Variants in GPHN observed in about 807,000 individuals in gnomAD.
The protein encoded by GPHN is gephyrin.
In GPHN, 17 loss-of-function variants were observed where a neutral mutation model predicts 95.5. The observed-to-expected ratio is 0.18, with a 90% CI of 0.12 to 0.27. The LOEUF is 0.27. Ranked by LOEUF, GPHN falls within the 10% of genes least tolerant of loss-of-function variation. The pLI is 1.00. For synonymous variants in GPHN, 320 were observed against 322.5 expected, an observed-to-expected ratio of 0.99 and a Z score of 0.08; for missense variants, 660 against 978.1, an observed-to-expected ratio of 0.67 and a Z score of 4.34.
At chr14:67,666,278 G>A in the GPHN span, among the ~76,000 whole-genome samples, 14 of 152,124 alleles carry the variant, frequency 9.2e-5, no homozygotes, top group Admixed American at 7.9e-4. Context: ...GCATTCTCAA[G>A]AGGCAAATTC....
the GPHN span, among the ~76,000 whole-genome samples, chr14:67,506,721 C>T: frequency 6.6e-6 from 1 of 152,328 alleles, no homozygotes; most frequent in East Asian, 1.9e-4. Context: ...AGTGGTGGCT[C>T]ATGCCTGTAA....
chr14:67,005,751 A>T (rs2153613277), intron 9 of GPHN, among the ~76,000 whole-genome samples: 1 of 152,110 alleles, frequency 6.6e-6, no homozygotes, highest in Non-Finnish European at 1.5e-5. Flanking sequence ...TCTACCTTTT[A>T]AAGTGAATTT....
At chr14:67,489,822 C>CT in the GPHN span, among the ~76,000 whole-genome samples, 1 of 152,170 alleles carries the variant, frequency 6.6e-6, no homozygotes, top group African/African-American at 2.4e-5. Flanking sequence ...AACCCCATCT[C>CT]TACTAAAAGC....
intron 11 of GPHN, among the ~76,000 whole-genome samples, chr14:67,062,598 A>C (rs2075867941): frequency 1.2e-5 from 1 of 84,948 alleles, no homozygotes; most frequent in Non-Finnish European, 2.3e-5. Context: ...AGGGAACTCT[A>C]TGAAGGAATT....
At chr14:66,509,464 C>CG (rs2057948135) in intron 1 of GPHN, 2 of 152,254 alleles carry the variant, frequency 1.3e-5, no homozygotes, top group Non-Finnish European at 2.9e-5. Context: ...GTGTGTTCTG[C>CG]ATGTCTGATT....
the GPHN span, among the ~76,000 whole-genome samples, chr14:67,528,490 T>C: frequency 6.6e-6 from 1 of 152,220 alleles, no homozygotes; most frequent in Non-Finnish European, 1.5e-5. Context: ...GAGCAGCCAT[T>C]GTTCTCATCT....
intron 1 of GPHN, among the ~76,000 whole-genome samples, chr14:66,541,820 C>T (rs1329776323): frequency 1.3e-5 from 2 of 152,196 alleles, no homozygotes; most frequent in African/African-American, 4.8e-5. Flanking sequence ...CAGCTTGGTG[C>T]TGTCAGTACC....
chr14:67,222,110 C>A, the GPHN span: 2 of 309,582 alleles, frequency 6.5e-6, no homozygotes, highest in Non-Finnish European at 1.2e-5. Context: ...TAAACCACGC[C>A]AAGCCTAGTT....
the GPHN span, chr14:67,574,118 G>A: frequency 1.3e-6 from 1 of 798,240 alleles, no homozygotes; most frequent in Non-Finnish European, 2.0e-6. The surrounding 1 kb of genome is among the most constrained non-coding windows in gnomAD (Gnocchi z 4.2). Context: ...AAGAAAGGAG[G>A]GAGCACTAGG....
chr14:66,664,976 A>T (rs1274557764), intron 1 of GPHN, among the ~76,000 whole-genome samples: 2 of 148,326 alleles, frequency 1.3e-5, no homozygotes, highest in Non-Finnish European at 3.0e-5. Context: ...GCAGCAATAA[A>T]TAGCCTACCA....
intron 2 of GPHN, among the ~76,000 whole-genome samples, chr14:66,715,930 T>C (rs917078633): frequency 2.0e-5 from 3 of 152,132 alleles, no homozygotes; most frequent in African/African-American, 4.8e-5. Flanking sequence ...GAAAGTTCCA[T>C]GTGCTGTTGA....
At chr14:67,391,073 G>T in the GPHN span, among the ~76,000 whole-genome samples, 1 of 152,072 alleles carries the variant, frequency 6.6e-6, no homozygotes, top group Non-Finnish European at 1.5e-5. Flanking sequence ...GCTGGGCTGG[G>T]AGCACACAGG....
At chr14:67,262,776 A>G in the GPHN span, among the ~76,000 whole-genome samples, 4 of 152,078 alleles carry the variant, frequency 2.6e-5, no homozygotes, top group Admixed American at 1.3e-4. Context: ...TTTATCTTCT[A>G]TCTCTTACGG....
chr14:66,956,358 T>C (rs2068503730), intron 8 of GPHN, among the ~76,000 whole-genome samples: 1 of 152,228 alleles, frequency 6.6e-6, no homozygotes, highest in Non-Finnish European at 1.5e-5. Flanking sequence ...TTTAAAAATG[T>C]GTTTATAGCA....
chr14:67,581,127 G>A, the GPHN span: 1 of 812,366 alleles, frequency 1.2e-6, no homozygotes, highest in Non-Finnish European at 2.1e-6. Flanking sequence ...AGCCTATCCA[G>A]ACGGGGGGAG....
chr14:67,695,933 G>A, the GPHN span: 9,940 of 525,692 alleles, frequency 0.019, 508 homozygotes, highest in African/African-American at 0.14. Flanking sequence ...TAGGGCTTAG[G>A]GCCTGTGGGA....
intron 1 of GPHN, among the ~76,000 whole-genome samples, chr14:66,653,248 G>A (rs375102953): frequency 1.2e-3 from 181 of 152,280 alleles, no homozygotes; most frequent in African/African-American, 4.0e-3. Flanking sequence ...TCAGTGAAGT[G>A]GGAGAGGCAC....
At chr14:67,571,737 G>A in the GPHN span, 3 of 1,606,174 alleles carry the variant, frequency 1.9e-6, no homozygotes, top group Middle Eastern at 1.7e-4. Flanking sequence ...AGTGAGGGAG[G>A]GGCCTGTCTT....
chr14:67,639,924 C>CAAAA, the GPHN span, among the ~76,000 whole-genome samples: 41 of 61,804 alleles, frequency 6.6e-4, no homozygotes, highest in South Asian at 1.4e-3. Context: ...GACCCTGTCT[C>CAAAA]AAAAAAAAAA....
Sources: gnomAD v4.1 joint callset for allele counts (sites outside exome capture counted in the v4.1 genomes callset) on GRCh38, gnomAD v4.1.1 for gene constraint, Gnocchi (gnomAD v3.1) non-coding constraint, MANE v1.5 for transcripts, NCBI Gene and HGNC (gene_info 2026-07-23, HGNC 2026-07-21) for gene names.